MIPOL1: variants seen among roughly 807,000 people sequenced by gnomAD.
MIPOL1 encodes mirror-image polydactyly gene 1 protein.
MIPOL1 carries 57 observed loss-of-function variants against 60.9 expected under a neutral mutation model. That is an observed-to-expected ratio of 0.94 (90% CI 0.76 to 1.17). The LOEUF (loss-of-function observed/expected upper bound fraction) is 1.17, where lower values mean the gene tolerates loss of function less well. Ranked by LOEUF, MIPOL1 falls within the 50% of genes most tolerant of loss-of-function variation. The pLI, the probability that MIPOL1 is intolerant of heterozygous loss-of-function variation, is 0.00. For synonymous variants in MIPOL1, 179 were observed against 168.8 expected (o/e 1.06, Z -0.47); for missense variants, 551 against 511.6 (o/e 1.08, Z -0.74).
At chr14:37,529,231 T>A (rs2095465955) in intron 12 of MIPOL1, among the ~76,000 whole-genome samples, 1 of 152,188 alleles carries the variant, frequency 6.6e-6, no homozygotes, top group Non-Finnish European at 1.5e-5. Flanking sequence ...AAATGTAGAC[T>A]AGTGTAAGAA....
chr14:37,499,048 T>C (rs2095174963), intron 11 of MIPOL1, among the ~76,000 whole-genome samples: 1 of 152,170 alleles, frequency 6.6e-6, no homozygotes, highest in Admixed American at 6.5e-5. Context: ...ATGCATATAC[T>C]GAAATGATAT....
intron 9 of MIPOL1, among the ~76,000 whole-genome samples, chr14:37,330,248 T>C (rs2089551151): frequency 6.6e-6 from 1 of 152,104 alleles, no homozygotes; most frequent in African/African-American, 2.4e-5. Flanking sequence ...CAAAACAAAA[T>C]TCAGAACGGT....
intron 3 of MIPOL1, among the ~76,000 whole-genome samples, chr14:37,249,394 AC>A (rs764451139): frequency 3.3e-5 from 5 of 152,200 alleles, no homozygotes; most frequent in Non-Finnish European, 4.4e-5. Flanking sequence ...TAACAATTAT[AC>A]ATTCTTTTGA....
At chr14:37,387,544 C>T (rs2093107520) in intron 10 of MIPOL1, among the ~76,000 whole-genome samples, 1 of 151,846 alleles carries the variant, frequency 6.6e-6, no homozygotes, top group African/African-American at 2.4e-5. Flanking sequence ...ACAGTATTTC[C>T]ATTGAGTGTA....
chr14:37,373,311 A>G (rs2092691659), intron 10 of MIPOL1, among the ~76,000 whole-genome samples: 2 of 152,194 alleles, frequency 1.3e-5, no homozygotes, highest in African/African-American at 2.4e-5. Context: ...CCTTAAACAT[A>G]TAATGTTTTT....
intron 12 of MIPOL1, among the ~76,000 whole-genome samples, chr14:37,535,683 C>T (rs1336069954): frequency 6.6e-6 from 1 of 152,112 alleles, no homozygotes; most frequent in African/African-American, 2.4e-5. Flanking sequence ...TGATATATAT[C>T]TACAGTAGAA....
At chr14:37,408,523 A>C (rs1245474437) in intron 10 of MIPOL1, among the ~76,000 whole-genome samples, 1 of 152,120 alleles carries the variant, frequency 6.6e-6, no homozygotes, top group Non-Finnish European at 1.5e-5. Context: ...CCGGCTACCC[A>C]GGAGGCTGAG....
intron 11 of MIPOL1, among the ~76,000 whole-genome samples, chr14:37,453,183 C>T (rs772370751): frequency 6.6e-6 from 1 of 151,842 alleles, no homozygotes. Context: ...TATGATAGGC[C>T]GTTATATTGT....
chr14:37,487,922 G>T (rs1298498455), intron 11 of MIPOL1, among the ~76,000 whole-genome samples: 2 of 152,110 alleles, frequency 1.3e-5, no homozygotes, highest in African/African-American at 2.4e-5. Flanking sequence ...CAATTGTGTT[G>T]TTAGGGTGTG....
rs1357437379 is a variant in MIPOL1 at position 37,206,738 on chromosome 14, T to C, written c.-199+8634T>C. 3.9e-5 allele frequency among the ~76,000 whole-genome samples: 6 copies of C among 152,354 alleles called. No individual in the cohort carries two copies. The East Asian group carries it at 9.7e-4, about 25-fold the overall frequency. On this transcript the variant is annotated intron_variant, in intron 1 of 12. Transcript: ENST00000684589. ...TGTAGGAACCCACCTCTTGCATCAG[T>C]GTGACCTGCATGTGAGACATGGAGT...
intron 3 of MIPOL1, among the ~76,000 whole-genome samples, chr14:37,252,896 G>A (rs1461493646): frequency 6.6e-6 from 1 of 151,740 alleles, no homozygotes; most frequent in African/African-American, 2.4e-5. Flanking sequence ...TTATGTTTAA[G>A]GCGGAGAAGA....
At chr14:37,330,645 T>C (rs542384310) in intron 9 of MIPOL1, among the ~76,000 whole-genome samples, 3 of 152,058 alleles carry the variant, frequency 2.0e-5, no homozygotes, top group East Asian at 1.9e-4. Flanking sequence ...AAAAGGGCTG[T>C]TATCAGAACA....
Position 37,547,271 on chromosome 14 carries a change from AG to A in MIPOL1, c.*301del. The A allele has an allele frequency of 3.7e-6, 1 of 271,132 alleles. No homozygotes were observed. Among genetic ancestry groups the A allele is most frequent in the East Asian group, 7.2e-5 (1 of 13,978 alleles). The allele number at this position is 271,132 out of a possible 1,614,324, so 16.8% of individuals were successfully genotyped here. On this transcript the variant is annotated 3_prime_UTR_variant, in exon 13 of 13. Coordinates refer to ENST00000684589, the MANE Select transcript of MIPOL1 (RefSeq NM_001388067.1). ...CTTTAATATAAATCTTTTTACTGAG[AG>A]ATCATTATAGAAACATGTTAAAGTT...
chr14:37,531,097 C>T (rs1198571023), intron 12 of MIPOL1, among the ~76,000 whole-genome samples: 6 of 152,220 alleles, frequency 3.9e-5, no homozygotes, highest in African/African-American at 1.2e-4. Context: ...GGATTACAGG[C>T]GTGAACCACC....
intron 1 of MIPOL1, among the ~76,000 whole-genome samples, chr14:37,242,755 A>T (rs1335648509): frequency 1.3e-5 from 2 of 152,218 alleles, no homozygotes; most frequent in African/African-American, 4.8e-5. Context: ...CCCTGTTTAC[A>T]TGTAAGTTAC....
chr14:37,393,749 A>T (rs1375017690), intron 10 of MIPOL1, among the ~76,000 whole-genome samples: 1 of 151,302 alleles, frequency 6.6e-6, no homozygotes, highest in Non-Finnish European at 1.5e-5. Flanking sequence ...ATTTGGTTAC[A>T]TGAGTAAGTT....
At chr14:37,457,005 A>G (rs571054399) in intron 11 of MIPOL1, among the ~76,000 whole-genome samples, 2 of 152,188 alleles carry the variant, frequency 1.3e-5, no homozygotes, top group Non-Finnish European at 2.9e-5. Context: ...ATTGAAAAGG[A>G]CATATTGCAG....
chr14:37,200,964 G>C (rs1270777133), intron 1 of MIPOL1, among the ~76,000 whole-genome samples: 2 of 148,136 alleles, frequency 1.4e-5, no homozygotes, highest in East Asian at 4.0e-4. Context: ...GTGCAGTGGG[G>C]TGATCTCGGT....
At chr14:37,215,343 C>T (rs1967459168) in intron 1 of MIPOL1, among the ~76,000 whole-genome samples, 1 of 151,870 alleles carries the variant, frequency 6.6e-6, no homozygotes, top group African/African-American at 2.4e-5. Context: ...CTCCTGGGCC[C>T]AGCTGTCTTT....
Sources: gnomAD v4.1 joint callset for allele counts (sites outside exome capture counted in the v4.1 genomes callset) on GRCh38, gnomAD v4.1.1 for gene constraint, MANE v1.5 for transcripts, NCBI Gene and HGNC (gene_info 2026-07-23, HGNC 2026-07-21) for gene names.